ITIH1: variants seen among roughly 807,000 people sequenced by gnomAD.
The protein encoded by ITIH1 is inter-alpha-trypsin inhibitor heavy chain H1.
In ITIH1, 94 loss-of-function variants were observed where a neutral mutation model predicts 104.6. The observed-to-expected ratio is 0.90, with a 90% CI of 0.76 to 1.07. ITIH1 has a LOEUF of 1.07. Among genes scored for constraint, ITIH1 ranks in the 50% least tolerant of loss-of-function variants. The probability of loss-of-function intolerance (pLI) is 0.00; values close to 1 mark genes in which losing one functional copy is unlikely to be tolerated. For synonymous variants in ITIH1, 455 were observed against 464.4 expected (o/e 0.98, Z 0.26); for missense variants, 1,193 against 1,181.4 (o/e 1.01, Z -0.14).
At chr3:52,789,342 C>T (rs1330158596) in intron 18 of ITIH1, among the ~76,000 whole-genome samples, 2 of 151,996 alleles carry the variant, frequency 1.3e-5, no homozygotes, top group African/African-American at 4.8e-5. Context: ...ACAATGGGAG[C>T]CTGTCCCTGT....
At chr3:52,778,544 G>T in intron 3 of ITIH1, 38 bp downstream of exon 3, 1 of 1,610,844 alleles carries the variant, frequency 6.2e-7, no homozygotes, top group Non-Finnish European at 8.5e-7. Context: ...TCTCCCAGGG[G>T]TGCCGCTTAC....
chr3:52,787,353 C>A, intron 15 of ITIH1, 151 bp downstream of exon 15: 1 of 1,220,146 alleles, frequency 8.2e-7, no homozygotes, highest in Non-Finnish European at 1.2e-6. Context: ...CCCTTCTCCA[C>A]ATCACCGCGA....
chr3:52,779,376 A>G lies in ITIH1; in HGVS notation c.411-56A>G, dbSNP rs1466108020. 1 of 1,566,706 alleles carries G rather than the reference A, an allele frequency of 6.4e-7. No individual in the cohort carries two copies. Among genetic ancestry groups the G allele is most frequent in the African/African-American group, 1.4e-5 (1 of 73,984 alleles). On this transcript the variant is annotated intron_variant, in intron 4 of 21. Transcript: ENST00000273283. The surrounding 1 kb of genome is among the most constrained non-coding windows in gnomAD (Gnocchi z 4.4). ...GTGGGCCACATGTTAGGTGACAAGG[A>G]CCCAAATGTCATTTACCCTCTGTCT... is the stretch of plus-strand genomic sequence containing the variant.
intron 19 of ITIH1, chr3:52,790,433 C>A (rs1302328972): frequency 3.0e-6 from 1 of 335,082 alleles, no homozygotes; most frequent in Non-Finnish European, 5.5e-6. Context: ...AAGTCCAAGT[C>A]CTGGCTCCAC....
intron 12 of ITIH1, 138 bp from the exon 13 acceptor site, chr3:52,786,157 G>A (rs1336672654): frequency 1.1e-5 from 9 of 842,686 alleles, no homozygotes; most frequent in Middle Eastern, 3.7e-4. Context: ...AGGATGAGGC[G>A]AACAGGCTCA....
In ITIH1 at chr3:52,787,968, C is replaced by T. The variant is rs779631225; in HGVS notation, c.1925-18C>T. The T allele has an allele frequency of 6.3e-6, 10 of 1,590,332 alleles. No homozygotes were observed. The highest frequency in any genetic ancestry group is 4.4e-5 in the South Asian group (4 of 90,778). On this transcript the variant is annotated intron_variant, in intron 16 of 21. Coordinates refer to ENST00000273283, the MANE Select transcript of ITIH1 (RefSeq NM_002215.4). ...GCCTGGCTGCCCCGCTTCTAAATGC[C>T]ACTCCCCCTCCCATCAGCGTTCGTG...
intron 21 of ITIH1, 25 bp from the exon 22 acceptor site, chr3:52,791,757 C>G (rs772352437): frequency 3.7e-6 from 6 of 1,607,852 alleles, no homozygotes; most frequent in Non-Finnish European, 3.4e-6. Context: ...CGAAGGGTGA[C>G]CCCAGCTGAC....
intron 18 of ITIH1, 106 bp downstream of exon 18, chr3:52,788,451 G>A: frequency 2.6e-6 from 2 of 775,816 alleles, no homozygotes; most frequent in Non-Finnish European, 4.3e-6. Flanking sequence ...CCTCTGCCTG[G>A]GCACCATCCA....
chr3:52,777,828 C>A, intron 1 of ITIH1, 96 bp downstream of exon 1: 1 of 1,358,452 alleles, frequency 7.4e-7, no homozygotes, highest in South Asian at 1.2e-5. Context: ...CCAGGGTCAC[C>A]CCCACCACCT....
Position 52,785,209 on chromosome 3 carries a change from G to A in ITIH1, c.1573G>A (p.Ala525Thr). 1 of 1,614,092 alleles carries A rather than the reference G, an allele frequency of 6.2e-7. No individual in the cohort carries two copies. The highest frequency in any genetic ancestry group is 1.3e-5 in the African/African-American group (1 of 75,032). ...IADNKQSSFK[A>T]DVQAHGEGQE... ...TGACAACAAACAGAGCAGCTTCAAGGCTGATGTGCAGGCCCATGGGGTAAA... is the reference window on the plus strand; with the variant it reads ...TGACAACAAACAGAGCAGCTTCAAGACTGATGTGCAGGCCCATGGGGTAAA... Residue 525 changes from alanine to threonine, a missense_variant, in exon 12 of 22, where the codon GCT becomes ACT. Transcript: ENST00000273283.
rs544175850 is a variant in ITIH1, at chr3:52,787,979, C to G, written c.1925-7C>G. On this transcript the variant is annotated splice_region_variant and splice_polypyrimidine_tract_variant and intron_variant, in intron 16 of 21. Transcript: ENST00000273283. ...CCGCTTCTAAATGCCACTCCCCCTC[C>G]CATCAGCGTTCGTGCTGTCAGCCTT... is the stretch of plus-strand genomic sequence containing the variant. 25 of 1,613,442 alleles carry G rather than the reference C, an allele frequency of 1.5e-5. No homozygotes were observed. Among genetic ancestry groups the G allele is most frequent in the Admixed American group, 3.3e-5 (2 of 60,004 alleles).
chr3:52,784,478 G>A lies in ITIH1; in HGVS notation c.1407+1G>A. 1 of 1,613,560 alleles carries A rather than the reference G, an allele frequency of 6.2e-7. No individual in the cohort carries two copies. Among genetic ancestry groups the A allele is most frequent in the South Asian group, 1.1e-5 (1 of 91,042 alleles). ...CCATGATGCCACCCAGCAGCTGCAGGTCTCCCCTCACAACCCCCTGTACCT... is the reference window on the plus strand; with the variant it reads ...CCATGATGCCACCCAGCAGCTGCAGATCTCCCCTCACAACCCCCTGTACCT... On this transcript the variant is annotated splice_donor_variant, in intron 11 of 21. Coordinates refer to ENST00000273283, the MANE Select transcript of ITIH1 (RefSeq NM_002215.4). LOFTEE classifies it high-confidence loss of function.
intron 11 of ITIH1, 117 bp downstream of exon 11, chr3:52,784,594 A>G (rs1699151764): frequency 9.5e-7 from 1 of 1,051,896 alleles, no homozygotes; most frequent in South Asian, 1.6e-5. Context: ...AGTTCAAATC[A>G]GCTGCATGGG....
chr3:52,779,430 A>G lies in ITIH1; in HGVS notation c.411-2A>G. 9 of 1,614,214 alleles carry G rather than the reference A, an allele frequency of 5.6e-6. No homozygotes were observed. Among genetic ancestry groups the G allele is most frequent in the Non-Finnish European group, 7.6e-6 (9 of 1,180,018 alleles). ...TGCTGTTGCCTCTGGTGGCACATCCAGGGCCTCGGGGAGAACTATGGAGCA... is the reference window on the plus strand; with the variant it reads ...TGCTGTTGCCTCTGGTGGCACATCCGGGGCCTCGGGGAGAACTATGGAGCA... On this transcript the variant is annotated splice_acceptor_variant, in intron 4 of 21. Coordinates refer to ENST00000273283, the MANE Select transcript of ITIH1 (RefSeq NM_002215.4). LOFTEE classifies it high-confidence loss of function. This position sits in a 1 kb window ranked among gnomAD's most constrained non-coding sequence, Gnocchi z 4.4.
rs1698943663 is a variant in ITIH1, at chr3:52,777,857, G to C, written c.117+125G>C. 11 of 1,363,340 alleles carry C rather than the reference G, an allele frequency of 8.1e-6. No individual in the cohort carries two copies. The South Asian group carries it at 1.2e-4, about 15-fold the overall frequency. 84.5% of individuals were successfully genotyped at this position (1,363,340 alleles called of 1,614,324 possible). On this transcript the variant is annotated intron_variant, in intron 1 of 21. Transcript: ENST00000273283. Reference sequence around the variant, plus strand: ...ACCACCTCCACCACTTCTGAGTGGAGAGGTGACCTCCCAGCACCACCAAGG... The same window carrying C: ...ACCACCTCCACCACTTCTGAGTGGACAGGTGACCTCCCAGCACCACCAAGG...
intron 3 of ITIH1, 56 bp from the exon 4 acceptor site, chr3:52,778,886 G>A: frequency 7.6e-7 from 1 of 1,321,754 alleles, no homozygotes; most frequent in Non-Finnish European, 1.1e-6. Flanking sequence ...GGCCCTCTCA[G>A]GACCTGTGTG....
At chr3:52,785,371 C>A in intron 12 of ITIH1, 142 bp downstream of exon 12, 1 of 770,632 alleles carries the variant, frequency 1.3e-6, no homozygotes, top group Non-Finnish European at 2.0e-6. Flanking sequence ...CCACATACAC[C>A]CCAGGCCTGA....
intron 3 of ITIH1, 84 bp downstream of exon 3, chr3:52,778,590 G>T: frequency 6.3e-7 from 1 of 1,578,206 alleles, no homozygotes; most frequent in South Asian, 1.2e-5. Context: ...GGAGTGGCCA[G>T]ATAACGCAGA....
At chr3:52,786,458 G>A in intron 13 of ITIH1, 24 bp downstream of exon 13, 1 of 1,560,370 alleles carries the variant, frequency 6.4e-7, no homozygotes, top group South Asian at 1.2e-5. Context: ...AGCTGCCCCA[G>A]GTGGGCACTG....
Sources: allele counts gnomAD v4.1 joint callset (sites outside exome capture counted in the v4.1 genomes callset), GRCh38; gene constraint gnomAD v4.1.1; non-coding constraint Gnocchi (gnomAD v3.1); transcripts MANE v1.5; gene names NCBI Gene and HGNC (gene_info 2026-07-23, HGNC 2026-07-21).